The following DOP1B variants were observed in gnomAD, a reference collection of about 807,000 sequenced individuals.
DOP1B encodes the protein DOP1 leucine zipper like protein B.
In DOP1B, 174 loss-of-function variants were observed where a neutral mutation model predicts 233.5. The ratio of observed to expected loss-of-function variants is 0.75; its 90% CI spans 0.66 to 0.85. DOP1B has a LOEUF of 0.85. Ranked by LOEUF, DOP1B falls within the 40% of genes least tolerant of loss-of-function variation. The pLI, the probability that DOP1B is intolerant of heterozygous loss-of-function variation, is 0.00. For missense variants in DOP1B, 2,652 were observed against 2,846.6 expected, an observed-to-expected ratio of 0.93 and a Z score of 1.56; for synonymous variants, 1,190 against 1,185.6, an observed-to-expected ratio of 1.00 and a Z score of -0.08.
chr21:36,181,151 G>A (rs79210425), intron 2 of DOP1B, among the ~76,000 whole-genome samples: 1 of 152,254 alleles, frequency 6.6e-6, no homozygotes, highest in East Asian at 1.9e-4. Flanking sequence ...TAACAAAGAA[G>A]TCCAAAATCA....
intron 22 of DOP1B, 22 bp from the exon 23 acceptor site, chr21:36,253,750 G>A (rs774405262): frequency 2.1e-5 from 33 of 1,608,182 alleles, no homozygotes; most frequent in Non-Finnish European, 5.1e-6. Flanking sequence ...AGCTTTCAAG[G>A]AACTTTTTTT....
At chr21:36,237,913 A>G (rs2066845629) in intron 16 of DOP1B, among the ~76,000 whole-genome samples, 1 of 152,178 alleles carries the variant, frequency 6.6e-6, no homozygotes, top group South Asian at 2.1e-4. Context: ...CACGCCTGTA[A>G]TTCCAGCACT....
chr21:36,243,645 CA>C (rs1390046653), intron 18 of DOP1B, among the ~76,000 whole-genome samples: 4 of 150,642 alleles, frequency 2.7e-5, no homozygotes, highest in East Asian at 2.0e-4. Flanking sequence ...GCTCATTCTA[CA>C]TAATACTCTT....
At chr21:36,222,937 G>A (rs1464547651) in intron 10 of DOP1B, among the ~76,000 whole-genome samples, 3 of 152,048 alleles carry the variant, frequency 2.0e-5, no homozygotes, top group East Asian at 3.9e-4. Flanking sequence ...GTTTCACCAT[G>A]TTGGTCAAGC....
At chr21:36,291,203 G>A (rs2067553660) in intron 35 of DOP1B, among the ~76,000 whole-genome samples, 1 of 151,898 alleles carries the variant, frequency 6.6e-6, no homozygotes, top group Non-Finnish European at 1.5e-5. Flanking sequence ...GGAGGTTGCA[G>A]TGAACCGAGA....
At chr21:36,229,289 G>A (rs763738213) in intron 13 of DOP1B, among the ~76,000 whole-genome samples, 1 of 152,200 alleles carries the variant, frequency 6.6e-6, no homozygotes, top group Non-Finnish European at 1.5e-5. Flanking sequence ...GAAGGTGTCA[G>A]CAAGGTTGGC....
At chr21:36,270,845 G>A (rs1452414939) in intron 27 of DOP1B, among the ~76,000 whole-genome samples, 2 of 151,036 alleles carry the variant, frequency 1.3e-5, no homozygotes, top group African/African-American at 4.9e-5. Context: ...CCTGGGAGGA[G>A]GAGGTTGCAG....
intron 15 of DOP1B, among the ~76,000 whole-genome samples, chr21:36,236,063 C>T (rs1237590520): frequency 6.6e-6 from 1 of 152,174 alleles, no homozygotes; most frequent in Admixed American, 6.5e-5. Flanking sequence ...GTTATTTGAT[C>T]TAAGTTATGC....
chr21:36,159,634 C>G (rs2065852813), intron 1 of DOP1B, among the ~76,000 whole-genome samples: 1 of 152,204 alleles, frequency 6.6e-6, no homozygotes, highest in African/African-American at 2.4e-5. Context: ...CTTCATATGG[C>G]CAACCATAAC....
Position 36,245,501 on chromosome 21 carries a change from C to T in DOP1B, c.3521C>T (p.Ala1174Val). 1 of 1,613,650 alleles carries T rather than the reference C, an allele frequency of 6.2e-7. No homozygotes were observed. Among genetic ancestry groups the T allele is most frequent in the South Asian group, 1.1e-5 (1 of 91,090 alleles). The change falls in exon 19 of 37, where the codon GCC (alanine) becomes GTC (valine). Residue 1174 changes from alanine to valine, a missense_variant. Around this residue, in one of 3 missense-constraint regions of DOP1B, gnomAD observed 2,617 missense variants for 2,794.3 expected, o/e 0.94. Coordinates refer to ENST00000691173, the MANE Select transcript of DOP1B (RefSeq NM_001320714.2). The surrounding 1 kb of genome is among the most constrained non-coding windows in gnomAD (Gnocchi z 5.5). ...AFQSESFKAG[A>V]KLSLVRVDSD... ...CAGTCAGAAAGCTTCAAGGCTGGGG[C>T]CAAGTTAAGCCTGGTGCGGGTGGAC...
chr21:36,230,198 A>G (rs2066743037), intron 13 of DOP1B, among the ~76,000 whole-genome samples: 1 of 152,146 alleles, frequency 6.6e-6, no homozygotes, highest in South Asian at 2.1e-4. Flanking sequence ...CAAAAACACA[A>G]GAAAAATAGG....
intron 2 of DOP1B, chr21:36,169,531 G>T: frequency 1.8e-6 from 2 of 1,117,618 alleles, no homozygotes; most frequent in Non-Finnish European, 2.7e-6. Flanking sequence ...CGATGATGTC[G>T]ATCATCTCGT....
rs1295596150 is a variant in DOP1B at position 36,293,819 on chromosome 21, C to G, written c.*248C>G. ...CCAACATGGTGAGACCCTGTCTCTA[C>G]TAAAAATACAAAAATTAGCTGGGTG... On this transcript the variant is annotated 3_prime_UTR_variant, in exon 37 of 37. Coordinates refer to ENST00000691173, the MANE Select transcript of DOP1B (RefSeq NM_001320714.2). 2.6e-6 allele frequency: 1 copy of G among 387,802 alleles called. No individual in the cohort carries two copies. Among genetic ancestry groups the G allele is most frequent in the South Asian group, 2.8e-5 (1 of 35,982 alleles). The allele number at this position is 387,802 out of a possible 1,614,324, so 24.0% of individuals were successfully genotyped here.
At chr21:36,164,675 C>G in intron 1 of DOP1B, 33 bp from the exon 2 acceptor site, 1 of 1,476,330 alleles carries the variant, frequency 6.8e-7, no homozygotes. Context: ...CCAAATGGCT[C>G]TCTCATTTGG....
At chr21:36,222,138 C>T (rs2066631496) in intron 10 of DOP1B, among the ~76,000 whole-genome samples, 1 of 151,884 alleles carries the variant, frequency 6.6e-6, no homozygotes, top group Non-Finnish European at 1.5e-5. Context: ...TCCCAAAGTG[C>T]TGGGATTGCA....
intron 11 of DOP1B, among the ~76,000 whole-genome samples, chr21:36,225,060 T>G (rs2066666467): frequency 6.6e-6 from 1 of 152,098 alleles, no homozygotes; most frequent in African/African-American, 2.4e-5. Flanking sequence ...GGAATCTGTT[T>G]GGACACCAAC....
intron 14 of DOP1B, 90 bp from the exon 15 acceptor site, chr21:36,232,714 C>A: frequency 6.5e-7 from 1 of 1,549,044 alleles, no homozygotes. Context: ...GGTAACTTCC[C>A]AGATCTAGGG....
rs898557757 is a variant in DOP1B at position 36,262,434 on chromosome 21, G to A, written c.5316-1112G>A. On this transcript the variant is annotated intron_variant, in intron 24 of 36. Coordinates refer to ENST00000691173, the MANE Select transcript of DOP1B (RefSeq NM_001320714.2). ...TTCACTGCCTGGACTGTGCTTCCTCGCTTTGGAGCGGTGATCTCAGAATCC... is the reference window on the plus strand; with the variant it reads ...TTCACTGCCTGGACTGTGCTTCCTCACTTTGGAGCGGTGATCTCAGAATCC... Among the ~76,000 whole-genome samples, 15 of 152,188 alleles carry A rather than the reference G, an allele frequency of 9.9e-5. No individual in the cohort carries two copies. In the South Asian group the frequency reaches 2.3e-3, roughly 23 times the overall value.
In DOP1B at chr21:36,212,064, T is replaced by A; in HGVS notation, c.871T>A (p.Ser291Thr). 6.2e-7 allele frequency: 1 copy of A among 1,613,566 alleles called. No homozygotes were observed. The highest frequency in any genetic ancestry group is 8.5e-7 in the Non-Finnish European group (1 of 1,179,852). The change falls in exon 7 of 37, where the codon TCC becomes ACC. Residue 291 changes from serine to threonine, a missense_variant. Around this residue, in one of 3 missense-constraint regions of DOP1B, gnomAD observed 2,617 missense variants for 2,794.3 expected, o/e 0.94. Coordinates refer to ENST00000691173, the MANE Select transcript of DOP1B (RefSeq NM_001320714.2). ...ATQTLLRRDMSLNRRLYAWLL... is the reference protein window; with the variant it reads ...ATQTLLRRDMTLNRRLYAWLL... ...CCAGACCCTACTGAGAAGGGACATGTCCCTGAACAGAAGACTGTATGCATG... is the reference window on the plus strand; with the variant it reads ...CCAGACCCTACTGAGAAGGGACATGACCCTGAACAGAAGACTGTATGCATG...
Sources: allele counts gnomAD v4.1 joint callset (sites outside exome capture counted in the v4.1 genomes callset), GRCh38; gene constraint gnomAD v4.1.1; regional missense constraint gnomAD v4.1.1; non-coding constraint Gnocchi (gnomAD v3.1); transcripts MANE v1.5; gene names NCBI Gene and HGNC (gene_info 2026-07-23, HGNC 2026-07-21).